COG6: variants seen among roughly 807,000 people sequenced by gnomAD.
COG6 encodes the protein component of oligomeric golgi complex 6.
Under a neutral mutation model 88.8 loss-of-function variants are expected in COG6, and 74 were observed. That is an observed-to-expected ratio of 0.83 (90% CI 0.69 to 1.01). The LOEUF (loss-of-function observed/expected upper bound fraction) is 1.01. COG6 is among the 50% of genes least tolerant of loss of function. COG6 has a pLI of 0.00. For synonymous variants in COG6, 286 were observed against 278.7 expected (o/e 1.03, Z -0.26); for missense variants, 800 against 797.9 (o/e 1.00, Z -0.03).
chr13:39,736,348 G>T (rs1384513233), intron 18 of COG6, among the ~76,000 whole-genome samples: 1 of 152,048 alleles, frequency 6.6e-6, no homozygotes, highest in Non-Finnish European at 1.5e-5. Flanking sequence ...CGGACTTTCT[G>T]CCTGATTCTT....
intron 18 of COG6, among the ~76,000 whole-genome samples, chr13:39,783,880 T>C (rs1296965376): frequency 3.9e-5 from 6 of 152,174 alleles, no homozygotes; most frequent in African/African-American, 1.4e-4. Context: ...CCATTCCTCT[T>C]TTGTTGAAGG....
intron 2 of COG6, among the ~76,000 whole-genome samples, chr13:39,660,494 C>G (rs1203476694): frequency 6.6e-6 from 1 of 152,158 alleles, no homozygotes; most frequent in Non-Finnish European, 1.5e-5. Context: ...ACTGGCCAAA[C>G]ATAAGACTAT....
chr13:39,773,965 G>C (rs1358451892), intron 18 of COG6, among the ~76,000 whole-genome samples: 1 of 151,346 alleles, frequency 6.6e-6, no homozygotes, highest in African/African-American at 2.4e-5. Flanking sequence ...GCAGACGTTT[G>C]GTTAGAAATC....
intron 1 of COG6, among the ~76,000 whole-genome samples, chr13:39,657,552 G>GTTGTACAGAAACTTATAGTTGTAAACA: frequency 1.3e-5 from 2 of 151,596 alleles, no homozygotes; most frequent in Middle Eastern, 3.4e-3. Context: ...TGTACAGTAA[G>GTTGTACAGAAACTTATAGTTGTAAACA]TATTTATAGT....
intron 18 of COG6, among the ~76,000 whole-genome samples, chr13:39,748,377 G>A (rs1227528938): frequency 4.6e-5 from 7 of 152,062 alleles, no homozygotes; most frequent in Non-Finnish European, 8.8e-5. Flanking sequence ...CACTTTGGGA[G>A]GCCACAGTGG....
chr13:39,729,564 A>G (rs1223055259), intron 18 of COG6, among the ~76,000 whole-genome samples: 5 of 152,224 alleles, frequency 3.3e-5, no homozygotes, highest in Non-Finnish European at 1.5e-5. Context: ...TACAAATTGT[A>G]GAAAAACAGG....
intron 18 of COG6, among the ~76,000 whole-genome samples, chr13:39,733,895 C>A (rs529596265): frequency 1.3e-4 from 20 of 152,104 alleles, no homozygotes; most frequent in African/African-American, 4.8e-4. Flanking sequence ...GGAATTTATT[C>A]ATTTCTTCTA....
intron 18 of COG6, among the ~76,000 whole-genome samples, chr13:39,750,659 T>A (rs188381288): frequency 1.7e-4 from 26 of 152,292 alleles, no homozygotes; most frequent in Admixed American, 2.6e-4. Context: ...GTCCTGTATA[T>A]CAGGCACAAA....
Position 39,669,463 on chromosome 13 carries a change from C to T in COG6, c.428+4309C>T, listed in dbSNP as rs184487719. ...GGTATTACAGTTGTTTGCAACTAAT[C>T]GTTGATTTGATTGTCTCTGTTTCTC... On this transcript the variant is annotated intron_variant, in intron 4 of 18. Coordinates refer to ENST00000455146, the MANE Select transcript of COG6 (RefSeq NM_020751.3). Among the ~76,000 whole-genome samples, 163 of 152,188 alleles carry T rather than the reference C, an allele frequency of 1.1e-3. 1 individual carries two copies. Among genetic ancestry groups the T allele is most frequent in the African/African-American group, 3.8e-3 (158 of 41,540 alleles).
chr13:39,722,299 G>T (rs1878889126), intron 15 of COG6, among the ~76,000 whole-genome samples: 2 of 149,184 alleles, frequency 1.3e-5, no homozygotes, highest in African/African-American at 2.5e-5. Context: ...GTACTTCCTT[G>T]GGCATTTATT....
chr13:39,715,674 A>G (rs1427778098), intron 13 of COG6, among the ~76,000 whole-genome samples: 1 of 151,998 alleles, frequency 6.6e-6, no homozygotes, highest in East Asian at 1.9e-4. Flanking sequence ...GAGTATGTTG[A>G]TTTCTATTAA....
chr13:39,732,853 T>C (rs749010014), intron 18 of COG6, among the ~76,000 whole-genome samples: 7 of 152,162 alleles, frequency 4.6e-5, no homozygotes, highest in Non-Finnish European at 1.0e-4. Flanking sequence ...CTAAATGTTA[T>C]GGCAAATAGG....
In COG6 at chr13:39,778,474, A is replaced by G. The variant is rs1881529386; in HGVS notation, c.1827-9861A>G. On this transcript the variant is annotated intron_variant, in intron 18 of 18. Transcript: ENST00000416691. Reference sequence around the variant, plus strand: ...TAGATAAAACATTTACTGAACATGTATTGCCAGAATGTGAGCTTATTGATA... The same window carrying G: ...TAGATAAAACATTTACTGAACATGTGTTGCCAGAATGTGAGCTTATTGATA... Among the ~76,000 whole-genome samples the G allele has an allele frequency of 3.3e-5, 5 of 152,340 alleles. No individual in the cohort carries two copies. The Middle Eastern group carries it at 0.014, about 415-fold the overall frequency.
intron 12 of COG6, among the ~76,000 whole-genome samples, chr13:39,699,292 G>C (rs1877442552): frequency 6.6e-6 from 1 of 151,670 alleles, no homozygotes; most frequent in African/African-American, 2.4e-5. Flanking sequence ...AAACATAGTA[G>C]TTTGTTTTTA....
chr13:39,688,534 C>T (rs1438222953), intron 10 of COG6, among the ~76,000 whole-genome samples: 3 of 152,082 alleles, frequency 2.0e-5, no homozygotes, highest in Admixed American at 1.3e-4. Context: ...TTTTAAGCAA[C>T]GCTGACTATT....
intron 1 of COG6, chr13:39,656,958 T>G: frequency 2.2e-6 from 1 of 449,504 alleles, no homozygotes; most frequent in Non-Finnish European, 4.4e-6. Context: ...TCATAAAATT[T>G]ATGAAGTGTT....
chr13:39,694,466 A>T (rs1877147221), intron 11 of COG6, among the ~76,000 whole-genome samples, 168 bp from the exon 12 acceptor site: 2 of 151,818 alleles, frequency 1.3e-5, no homozygotes, highest in African/African-American at 4.8e-5. Flanking sequence ...AATGTTTGTT[A>T]CTTTACCATC....
chr13:39,754,203 G>A (rs1238565493), downstream of COG6, among the ~76,000 whole-genome samples: 1 of 152,066 alleles, frequency 6.6e-6, no homozygotes, highest in Non-Finnish European at 1.5e-5. Context: ...TCTAGGGCTT[G>A]ATCCTGGATA....
intron 18 of COG6, among the ~76,000 whole-genome samples, chr13:39,749,867 T>C (rs1014099068): frequency 2.6e-5 from 4 of 152,136 alleles, no homozygotes; most frequent in Non-Finnish European, 5.9e-5. Flanking sequence ...CTGAAGCTCT[T>C]TGAAAGCCCC....
Sources: allele counts gnomAD v4.1 joint callset (sites outside exome capture counted in the v4.1 genomes callset), GRCh38; gene constraint gnomAD v4.1.1; transcripts MANE v1.5; gene names NCBI Gene and HGNC (gene_info 2026-07-23, HGNC 2026-07-21).